CSF2RA: variants seen among roughly 807,000 people sequenced by gnomAD.
CSF2RA encodes the protein colony stimulating factor 2 receptor subunit alpha.
CSF2RA carries 42 observed loss-of-function variants against 51.6 expected under a neutral mutation model. The observed-to-expected ratio is 0.81, with a 90% confidence interval of 0.64 to 1.05. The LOEUF (loss-of-function observed/expected upper bound fraction) is 1.05. Ranked by LOEUF, CSF2RA falls within the 50% of genes least tolerant of loss-of-function variation. The pLI is 0.00. For missense variants in CSF2RA, 530 were observed against 501.1 expected (o/e 1.06, Z -0.55); for synonymous variants, 222 against 193.0 (o/e 1.15, Z -1.24).
chrX:1,306,976 G>A (rs1489364342), intron 12 of CSF2RA, among the ~76,000 whole-genome samples: 19 of 151,720 alleles, frequency 1.3e-4, no homozygotes, highest in Non-Finnish European at 2.1e-4. Flanking sequence ...CAGAGACACC[G>A]AGAGAGACAG....
At chrX:1,310,651 T>G (rs752651355), downstream of CSF2RA, among the ~76,000 whole-genome samples, 1,062 of 138,084 alleles carry the variant, frequency 7.7e-3, 14 homozygotes, top group African/African-American at 0.029. Flanking sequence ...GTGGATGACA[T>G]AGCGAGACTC....
chrX:1,285,376 C>G (rs1373271399), intron 3 of CSF2RA, among the ~76,000 whole-genome samples: 1 of 152,038 alleles, frequency 6.6e-6, no homozygotes, highest in East Asian at 1.9e-4. Context: ...TGAACTTCAC[C>G]TCCCAGAGCC....
intron 2 of CSF2RA, among the ~76,000 whole-genome samples, chrX:1,276,447 C>G (rs1254428326): frequency 4.6e-5 from 7 of 151,940 alleles, no homozygotes; most frequent in African/African-American, 1.7e-4. Flanking sequence ...GATCTTGGCT[C>G]ACGGCAACCT....
intron 2 of CSF2RA, among the ~76,000 whole-genome samples, chrX:1,275,912 C>G (rs2089132775): frequency 6.6e-6 from 1 of 151,820 alleles, no homozygotes; most frequent in African/African-American, 2.4e-5. Context: ...AGGCTGGTCT[C>G]AAACTTGTGA....
At chrX:1,271,210 G>T (rs754396333) in intron 1 of CSF2RA, among the ~76,000 whole-genome samples, 46,167 of 84,540 alleles carry the variant, frequency 0.55, 13,772 homozygotes, top group Middle Eastern at 0.68. Flanking sequence ...CAGGCTGGAG[G>T]GCAGTGGCGC....
chrX:1,297,818 G>A (rs867844906), intron 9 of CSF2RA, among the ~76,000 whole-genome samples: 148 of 121,760 alleles, frequency 1.2e-3, no homozygotes, highest in Non-Finnish European at 1.9e-3. Flanking sequence ...GACCCCTGGT[G>A]GAACCCTACA....
chrX:1,307,397 G>T (rs36195323), intron 12 of CSF2RA, among the ~76,000 whole-genome samples: 25,977 of 127,702 alleles, frequency 0.2, 2,339 homozygotes, highest in Non-Finnish European at 0.21. Flanking sequence ...TTCCCCTTTA[G>T]ACCTTCGACT....
chrX:1,292,339 G>T (rs1382314385), intron 7 of CSF2RA, among the ~76,000 whole-genome samples: 2 of 152,186 alleles, frequency 1.3e-5, no homozygotes, highest in African/African-American at 4.8e-5. Flanking sequence ...CAGGTGGGAC[G>T]AGAGACTGAG....
intron 4 of CSF2RA, among the ~76,000 whole-genome samples, chrX:1,286,316 C>G (rs1349335597): frequency 4.6e-5 from 7 of 151,388 alleles, no homozygotes; most frequent in African/African-American, 1.7e-4. Flanking sequence ...CGCTTGTCAT[C>G]CCAGCACTCT....
chrX:1,288,910 A>T (rs749707753), intron 6 of CSF2RA, 22 bp downstream of exon 6: 1 of 1,613,786 alleles, frequency 6.2e-7, no homozygotes, highest in South Asian at 1.1e-5. Context: ...CCTCATGTGA[A>T]GAATTATGAG....
chrX:1,282,274 G>T (rs28584401), intron 2 of CSF2RA: 2 of 204,048 alleles, frequency 9.8e-6, no homozygotes, highest in East Asian at 1.1e-4. Flanking sequence ...CTGAGCCATC[G>T]TTTATCTTAT....
chrX:1,307,395 T>C (rs1361545617), intron 12 of CSF2RA, among the ~76,000 whole-genome samples: 63 of 148,430 alleles, frequency 4.2e-4, no homozygotes, highest in Middle Eastern at 7.1e-3. Context: ...CATTCCCCTT[T>C]AGACCTTCGA....
chrX:1,295,692 C>A (rs2091874138), intron 9 of CSF2RA: 1 of 703,022 alleles, frequency 1.4e-6, no homozygotes, highest in African/African-American at 1.8e-5. Flanking sequence ...CTACAGTCCC[C>A]TACTCACCAC....
chrX:1,317,189 C>A, the CSF2RA span, among the ~76,000 whole-genome samples: 1 of 149,762 alleles, frequency 6.7e-6, no homozygotes, highest in Non-Finnish European at 1.5e-5. Context: ...ACCTTATGAT[C>A]TGCCTGCCTC....
intron 2 of CSF2RA, 117 bp downstream of exon 2, chrX:1,274,935 C>G (rs1337842901): frequency 6.9e-6 from 3 of 435,584 alleles, no homozygotes; most frequent in African/African-American, 4.1e-5. Flanking sequence ...GAAGTGAGAA[C>G]TCAGGGCAGA....
Position 1,295,437 on chromosome X carries a change from C to T in CSF2RA, c.791C>T (p.Pro264Leu), listed in dbSNP as rs2091848241. 6.2e-7 allele frequency: 1 copy of T among 1,613,510 alleles called. No homozygotes were observed. Among genetic ancestry groups the T allele is most frequent in the Non-Finnish European group, 8.5e-7 (1 of 1,179,574 alleles). ...TTGTTTTGTTTCTAGAATACCCAGC[C>T]TGGCACGGAAAACCTACTGGTAAGT... is the stretch of plus-strand genomic sequence containing the variant. The part of the protein sequence containing the change: ...QLDVHRKNTQ[P>L]GTENLLINVS... The change falls in exon 9 of 13, where the codon CCT becomes CTT. Residue 264 changes from proline to leucine, a missense_variant. Pro to Leu is a moderately conservative substitution (Grantham distance 98). Transcript: ENST00000381529.
At chrX:1,301,525 A>G (rs2082920952) in intron 10 of CSF2RA, among the ~76,000 whole-genome samples, 1 of 151,346 alleles carries the variant, frequency 6.6e-6, no homozygotes, top group Non-Finnish European at 1.5e-5. Context: ...ACAATCAGTC[A>G]GTCTTTGTCC....
At chrX:1,316,174 CAGAT>C in the CSF2RA span, among the ~76,000 whole-genome samples, 7 of 151,174 alleles carry the variant, frequency 4.6e-5, no homozygotes, top group African/African-American at 1.5e-4. Flanking sequence ...AAGAGCTAGA[CAGAT>C]GGATAGATAG....
At chrX:1,271,000 C>T (rs773348973) in intron 1 of CSF2RA, among the ~76,000 whole-genome samples, 1 of 151,310 alleles carries the variant, frequency 6.6e-6, no homozygotes, top group South Asian at 2.1e-4. Flanking sequence ...GGGGCAACAT[C>T]GTAAGATTCC....
Sources: allele counts gnomAD v4.1 joint callset (sites outside exome capture counted in the v4.1 genomes callset), GRCh38; gene constraint gnomAD v4.1.1; transcripts MANE v1.5; gene names NCBI Gene and HGNC (gene_info 2026-07-23, HGNC 2026-07-21).